The following RIF1 variants were observed in gnomAD, a reference collection of about 807,000 sequenced individuals.
The protein encoded by RIF1 is telomere-associated protein RIF1.
In RIF1, 45 loss-of-function variants were observed where a neutral mutation model predicts 247.1. The ratio of observed to expected loss-of-function variants is 0.18; its 90% CI spans 0.14 to 0.23. The LOEUF is 0.23. Ranked by LOEUF, RIF1 falls within the 10% of genes least tolerant of loss-of-function variation. The probability of loss-of-function intolerance (pLI) is 1.00; values close to 1 mark genes in which losing one functional copy is unlikely to be tolerated. For missense variants in RIF1, 2,967 were observed against 2,862.5 expected (o/e 1.04, Z -0.83); for synonymous variants, 1,087 against 978.8 (o/e 1.11, Z -2.06).
chr2:151,500,824 C>G (rs1218376254), intron 11 of RIF1, among the ~76,000 whole-genome samples: 1 of 152,038 alleles, frequency 6.6e-6, no homozygotes, highest in Non-Finnish European at 1.5e-5. Flanking sequence ...GTCTCGACCT[C>G]CTGGGCTCAA....
rs2049166714 is a variant in RIF1 at position 151,481,529 on chromosome 2, T to G, written c.*6458T>G. 1 of 152,218 alleles carries G rather than the reference T, an allele frequency of 6.6e-6. No individual in the cohort carries two copies. The highest frequency in any genetic ancestry group is 6.5e-5 in the Admixed American group (1 of 15,288). The allele number at this position is 152,218 out of a possible 1,614,324, so 9.4% of individuals were successfully genotyped here. A position where few individuals can be genotyped will look rare whatever the true frequency, so the allele number is the denominator to read the frequency against. On this transcript the variant is annotated 3_prime_UTR_variant, in exon 36 of 36. Transcript: ENST00000444746. ...GACTGATAGATGCCAAATCAGTCAT[T>G]TATTAACCCTCTAATATTGTTGTCC...
chr2:151,498,180 T>G (rs775404536), intron 10 of RIF1: 10 of 1,546,364 alleles, frequency 6.5e-6, no homozygotes, highest in Non-Finnish European at 8.7e-6. Context: ...GAAATGGGCT[T>G]CAAACAAAAA....
Position 151,457,777 on chromosome 2 carries a change from G to A in RIF1, c.2669G>A (p.Gly890Glu). The change falls in exon 24 of 36, where the codon GGA becomes GAA. Residue 890 changes from glycine (G) to glutamate (E), a missense_variant. This residue lies in a region of RIF1 where 2,028 missense variants were observed against 1,825.6 expected (regional missense o/e 1.11). Transcript: ENST00000444746. ...CLNNKLEKLL[G>E]EIIACLQFSY... ...TTTTCCTAGTTAGAAAAGCTACTGGGAGAAATTATTGCTTGTCTGCAATTC... is the reference window on the plus strand; with the variant it reads ...TTTTCCTAGTTAGAAAAGCTACTGGAAGAAATTATTGCTTGTCTGCAATTC... 1 of 1,613,648 alleles carries A rather than the reference G, an allele frequency of 6.2e-7. No individual in the cohort carries two copies. Among genetic ancestry groups the A allele is most frequent in the Non-Finnish European group, 8.5e-7 (1 of 1,179,788 alleles).
At chr2:151,506,843 A>G (rs930531719) in intron 13 of RIF1, 1 of 1,043,864 alleles carries the variant, frequency 9.6e-7, no homozygotes, top group Non-Finnish European at 1.5e-6. Flanking sequence ...TAAGGCTAGT[A>G]TATTTTTAAA....
rs2055606963 is a variant in RIF1 at position 151,490,574 on chromosome 2, A to G, written c.*416-4655A>G. On this transcript the variant is annotated intron_variant and NMD_transcript_variant, in intron 9 of 13. Transcript: ENST00000454583. Reference sequence around the variant, plus strand: ...CAAACATGAAATTTCTATGGTAGTAATGCCTAACAGTGATTGAATCTCAGT... The same window carrying G: ...CAAACATGAAATTTCTATGGTAGTAGTGCCTAACAGTGATTGAATCTCAGT... 13 of 1,569,234 alleles carry G rather than the reference A, an allele frequency of 8.3e-6. 1 individual carries two copies. In the South Asian group the frequency reaches 1.4e-4, roughly 17 times the overall value.
chr2:151,415,005 G>T, intron 4 of RIF1, 86 bp downstream of exon 4: 1 of 806,906 alleles, frequency 1.2e-6, no homozygotes, highest in Non-Finnish European at 2.0e-6. Context: ...TAAAAGTACT[G>T]TTATGTCTGG....
rs11305289 is a variant in RIF1, at chr2:151,473,292, CTTT to C, written c.7096-652_7096-650del. ...TAGGAACACTTAAGAAAATTGTATCCTTTTTTTTTTTTTTTTTTTTTTAAATAC... is the reference window on the plus strand; with the variant it reads ...TAGGAACACTTAAGAAAATTGTATCCTTTTTTTTTTTTTTTTTTTAAATAC... On this transcript the variant is annotated intron_variant, in intron 34 of 35. Coordinates refer to ENST00000444746, the MANE Select transcript of RIF1 (RefSeq NM_018151.5). Among the ~76,000 whole-genome samples the C allele has an allele frequency of 4.3e-3, 545 of 125,910 alleles. 17 individuals carry two copies. In the East Asian group the frequency reaches 0.088, roughly 20 times the overall value. 82.6% of individuals were successfully genotyped at this position (125,910 alleles called of 152,430 possible).
intron 6 of RIF1, among the ~76,000 whole-genome samples, chr2:151,417,387 A>C (rs1340253424): frequency 6.6e-6 from 1 of 152,148 alleles, no homozygotes; most frequent in Non-Finnish European, 1.5e-5. Flanking sequence ...TTGTTGAGTT[A>C]CTTGCTTTAA....
In RIF1 at chr2:151,478,585, A is replaced by T. The variant is rs1259396238; in HGVS notation, c.*3514A>T. On this transcript the variant is annotated 3_prime_UTR_variant, in exon 36 of 36. Coordinates refer to ENST00000444746, the MANE Select transcript of RIF1 (RefSeq NM_018151.5). ...CTGTTACAATTTAAACATCATAAAAATGTGAAGAGTAAGTGGTGAGGCAAG... is the reference window on the plus strand; with the variant it reads ...CTGTTACAATTTAAACATCATAAAATTGTGAAGAGTAAGTGGTGAGGCAAG... 2 of 152,196 alleles carry T rather than the reference A, an allele frequency of 1.3e-5. No individual in the cohort carries two copies. Among genetic ancestry groups the T allele is most frequent in the Admixed American group, 6.5e-5 (1 of 15,278 alleles). The allele number at this position is 152,196 out of a possible 1,614,324, so 9.4% of individuals were successfully genotyped here.
downstream of RIF1, chr2:151,486,051 A>G: frequency 9.8e-7 from 1 of 1,023,412 alleles, no homozygotes; most frequent in Non-Finnish European, 1.4e-6. Context: ...ACAAAAGAGA[A>G]TGTGCAAGCA....
At chr2:151,510,923 G>A (rs1006329461), downstream of RIF1, among the ~76,000 whole-genome samples, 4 of 152,190 alleles carry the variant, frequency 2.6e-5, no homozygotes, top group Non-Finnish European at 4.4e-5. Context: ...ATTGGAAATC[G>A]AGAAGCAAGT....
chr2:151,411,229 A>G (rs759521596), intron 2 of RIF1, 31 bp from the exon 3 acceptor site: 3 of 1,336,396 alleles, frequency 2.2e-6, no homozygotes, highest in African/African-American at 3.0e-5. Context: ...CCTGTCAACT[A>G]CTTAAACTTG....
rs967523405 is a variant in RIF1, at chr2:151,505,421, G to C, written c.*862-789G>C. 9.4e-6 allele frequency: 13 copies of C among 1,383,740 alleles called. No individual in the cohort carries two copies. In the East Asian group the frequency reaches 3.0e-4, roughly 32 times the overall value. The allele number at this position is 1,383,740 out of a possible 1,614,324, so 85.7% of individuals were successfully genotyped here. A position where few individuals can be genotyped will look rare whatever the true frequency, so the allele number is the denominator to read the frequency against. On this transcript the variant is annotated intron_variant and NMD_transcript_variant, in intron 12 of 13. Transcript: ENST00000454583. The stretch of plus-strand genomic sequence containing the variant: ...AAGCAGAAAGATGAGAGAGCACCAG[G>C]GTAGCAATTGAGAGATGGCCAGTCA...
At chr2:151,496,076 T>G (rs16830106) in intron 10 of RIF1, among the ~76,000 whole-genome samples, 2,288 of 152,264 alleles carry the variant, frequency 0.015, 81 homozygotes, top group East Asian at 0.14. Flanking sequence ...CTTCTTGATA[T>G]TAGAACTTTA....
intron 11 of RIF1, chr2:151,501,324 T>G (rs2064355295): frequency 1.7e-4 from 172 of 1,035,530 alleles, no homozygotes; most frequent in Non-Finnish European, 2.1e-4. Flanking sequence ...GGATGAACAG[T>G]GAGATGTTCT....
At chr2:151,522,142 G>A in the RIF1 span, among the ~76,000 whole-genome samples, 1 of 152,238 alleles carries the variant, frequency 6.6e-6, no homozygotes, top group South Asian at 2.1e-4. Flanking sequence ...ATAGGAAAGT[G>A]ATTTTGCATT....
Position 151,464,337 on chromosome 2 carries a change from C to A in RIF1, c.4817C>A (p.Ala1606Glu). Residue 1606 changes from alanine to glutamate, a missense_variant, in exon 30 of 36, where the codon GCA becomes GAA. By Grantham distance (107) the Ala-to-Glu change is moderately radical. Around this residue, in one of 7 missense-constraint regions of RIF1, gnomAD observed 2,028 missense variants for 1,825.6 expected, o/e 1.11. Coordinates refer to ENST00000444746, the MANE Select transcript of RIF1 (RefSeq NM_018151.5). The stretch of plus-strand genomic sequence containing the variant: ...GAAAATCAGTCACATGATTATAAAG[C>A]AACTTCTGAAGAAGATGTAAGCATA... ...KAENQSHDYK[A>E]TSEEDVSIKS... 1 of 1,610,398 alleles carries A rather than the reference C, an allele frequency of 6.2e-7. No homozygotes were observed. Among genetic ancestry groups the A allele is most frequent in the Non-Finnish European group, 8.5e-7 (1 of 1,179,068 alleles).
At position 151,496,862 on chromosome 2, in the gene RIF1, G is replaced by T. The variant is rs140954520; in HGVS notation, c.*513+1536G>T. 496 of 1,408,352 alleles carry T rather than the reference G, an allele frequency of 3.5e-4. 1 individual carries two copies. The African/African-American group carries it at 6.7e-3, about 19-fold the overall frequency. 87.2% of individuals were successfully genotyped at this position (1,408,352 alleles called of 1,614,324 possible). ...TCACAAAATTTGTCTTTAGAAAATA[G>T]GATTAATATGTATTATTTTAAATCA... On this transcript the variant is annotated intron_variant and NMD_transcript_variant, in intron 10 of 13. Coordinates refer to the RIF1 transcript ENST00000454583.
At chr2:151,531,752 C>G in the RIF1 span, 1 of 1,449,582 alleles carries the variant, frequency 6.9e-7, no homozygotes, top group South Asian at 1.2e-5. Context: ...TGCAGATGCC[C>G]CCTGAGTTTG....
Sources: allele counts gnomAD v4.1 joint callset (sites outside exome capture counted in the v4.1 genomes callset), GRCh38; gene constraint gnomAD v4.1.1; regional missense constraint gnomAD v4.1.1; transcripts MANE v1.5; gene names NCBI Gene and HGNC (gene_info 2026-07-23, HGNC 2026-07-21).